The following PLCE1 variants were observed in gnomAD, a reference collection of about 807,000 sequenced individuals.
PLCE1 encodes phospholipase C epsilon 1, also known as 1-phosphatidylinositol 4,5-bisphosphate phosphodiesterase epsilon-1.
In PLCE1, 119 loss-of-function variants were observed where a neutral mutation model predicts 242.8. The observed-to-expected ratio is 0.49, with a 90% CI of 0.42 to 0.57. The LOEUF is 0.57. Among genes scored for constraint, PLCE1 ranks in the 20% least tolerant of loss-of-function variants. PLCE1 has a pLI of 0.00. For synonymous variants in PLCE1, 945 were observed against 1,017.4 expected (o/e 0.93, Z 1.35); for missense variants, 2,441 against 2,788.8 (o/e 0.88, Z 2.81).
intron 4 of PLCE1, among the ~76,000 whole-genome samples, chr10:94,177,144 T>C (rs1402921789): frequency 1.3e-5 from 2 of 152,234 alleles, no homozygotes; most frequent in African/African-American, 4.8e-5. Flanking sequence ...AAATTCCTAA[T>C]ACTTTTTGGG....
intron 4 of PLCE1, among the ~76,000 whole-genome samples, chr10:94,218,541 C>T (rs2049606527): frequency 6.6e-6 from 1 of 152,102 alleles, no homozygotes; most frequent in African/African-American, 2.4e-5. Flanking sequence ...ATTATAATGA[C>T]ATAAACCAAT....
At chr10:94,084,887 G>C (rs1270878564) in intron 2 of PLCE1, among the ~76,000 whole-genome samples, 1 of 152,148 alleles carries the variant, frequency 6.6e-6, no homozygotes, top group Non-Finnish European at 1.5e-5. Context: ...GTATGTTGCT[G>C]TTTAATTTTA....
intron 1 of PLCE1, among the ~76,000 whole-genome samples, chr10:94,004,401 C>CT (rs1359527845): frequency 6.6e-6 from 1 of 151,826 alleles, no homozygotes; most frequent in Non-Finnish European, 1.5e-5. Flanking sequence ...TAGGTGAAAG[C>CT]TTAAGGGGGG....
chr10:94,237,867 T>A (rs1171620007), intron 7 of PLCE1, among the ~76,000 whole-genome samples: 1 of 152,220 alleles, frequency 6.6e-6, no homozygotes, highest in Non-Finnish European at 1.5e-5. Flanking sequence ...GATGTGCAGA[T>A]TGAAAAGCCC....
At chr10:94,043,740 A>AC (rs1208445352) in intron 2 of PLCE1, among the ~76,000 whole-genome samples, 2 of 152,192 alleles carry the variant, frequency 1.3e-5, no homozygotes, top group Non-Finnish European at 2.9e-5. Flanking sequence ...ATGGCTTCAG[A>AC]CCCTGGTTGA....
chr10:94,070,814 A>G (rs968145828), intron 2 of PLCE1, among the ~76,000 whole-genome samples: 9 of 152,160 alleles, frequency 5.9e-5, no homozygotes, highest in African/African-American at 1.7e-4. Flanking sequence ...CCCAGCTTCT[A>G]TCTTTTCCCT....
intron 5 of PLCE1, among the ~76,000 whole-genome samples, chr10:94,231,650 A>G (rs1484230853): frequency 6.6e-6 from 1 of 150,460 alleles, no homozygotes; most frequent in Non-Finnish European, 1.5e-5. Context: ...AGCATCAGAG[A>G]CCAGTTTCAT....
chr10:94,198,071 A>G (rs1351118158), intron 4 of PLCE1, among the ~76,000 whole-genome samples: 26 of 124,030 alleles, frequency 2.1e-4, no homozygotes, highest in Non-Finnish European at 3.7e-4. Context: ...ACCACCCCCC[A>G]CCAAAAAAAA....
chr10:94,051,926 C>G (rs1191711313), intron 2 of PLCE1, among the ~76,000 whole-genome samples: 1 of 152,194 alleles, frequency 6.6e-6, no homozygotes, highest in Non-Finnish European at 1.5e-5. Flanking sequence ...TTTAAAGTGA[C>G]CTCTTCTCCA....
At chr10:94,039,546 C>T (rs1389992272) in intron 2 of PLCE1, among the ~76,000 whole-genome samples, 1 of 151,970 alleles carries the variant, frequency 6.6e-6, no homozygotes, top group East Asian at 1.9e-4. Flanking sequence ...CCACTATGCC[C>T]AGCTAATTTT....
In PLCE1 at chr10:94,173,760, C is replaced by A. The variant is rs115490598; in HGVS notation, c.1809+2264C>A. On this transcript the variant is annotated intron_variant, in intron 4 of 32. Coordinates refer to ENST00000371380, the MANE Select transcript of PLCE1 (RefSeq NM_016341.4). ...ATAGTTTAGCTAAGCAACTTCAGAA[C>A]GTAAACAAGATTTCTGGGAAAACAC... 2.5e-3 allele frequency among the ~76,000 whole-genome samples: 387 copies of A among 152,212 alleles called. 1 individual carries two copies. Among genetic ancestry groups the A allele is most frequent in the African/African-American group, 8.2e-3 (342 of 41,540 alleles).
intron 2 of PLCE1, among the ~76,000 whole-genome samples, chr10:94,039,491 C>T (rs1266532969): frequency 2.0e-5 from 3 of 152,090 alleles, no homozygotes; most frequent in Middle Eastern, 3.4e-3. Context: ...AAGCAATTCT[C>T]ATGCCTCAAC....
intron 1 of PLCE1, among the ~76,000 whole-genome samples, chr10:94,002,962 C>T (rs1301698826): frequency 1.3e-5 from 2 of 152,166 alleles, no homozygotes; most frequent in African/African-American, 4.8e-5. Flanking sequence ...TTGCAGATGA[C>T]CACTCGAGGA....
At chr10:94,119,328 GTCCTCAGGCATATGAGATATAACCC>G in intron 2 of PLCE1, among the ~76,000 whole-genome samples, 1 of 152,212 alleles carries the variant, frequency 6.6e-6, no homozygotes, top group Middle Eastern at 3.4e-3. Flanking sequence ...GGCAATGGAT[GTCCTCAGGCATATGAGATATAACCC>G]TCCAGCTGTA....
In PLCE1 at chr10:94,045,177, T is replaced by A. The variant is rs12359171; in HGVS notation, c.1206+12925T>A. Among the ~76,000 whole-genome samples, 76 of 152,046 alleles carry A rather than the reference T, an allele frequency of 5.0e-4. 1 individual carries two copies. Among genetic ancestry groups the A allele is most frequent in the East Asian group, 9.7e-4 (5 of 5,166 alleles). On this transcript the variant is annotated intron_variant, in intron 2 of 32. Coordinates refer to ENST00000371380, the MANE Select transcript of PLCE1 (RefSeq NM_016341.4). ...CACCATGCCCGGATAATTAAAAAAATTTTTTTTGTAGAGACTGGGTCTTGT... is the reference window on the plus strand; with the variant it reads ...CACCATGCCCGGATAATTAAAAAAAATTTTTTTGTAGAGACTGGGTCTTGT...
At chr10:94,069,742 G>A (rs2044299314) in intron 2 of PLCE1, among the ~76,000 whole-genome samples, 1 of 152,222 alleles carries the variant, frequency 6.6e-6, no homozygotes, top group South Asian at 2.1e-4. Context: ...GGAAGCAGAG[G>A]ACAGACATTT....
intron 2 of PLCE1, among the ~76,000 whole-genome samples, chr10:94,084,206 T>C (rs890768835): frequency 3.3e-5 from 5 of 152,174 alleles, no homozygotes; most frequent in African/African-American, 1.2e-4. Context: ...AGCTCTCCAG[T>C]CTGGACTTTG....
At chr10:94,095,520 CTAATTTTTG>C (rs1361905612) in intron 2 of PLCE1, among the ~76,000 whole-genome samples, 2 of 151,986 alleles carry the variant, frequency 1.3e-5, no homozygotes, top group African/African-American at 2.4e-5. Context: ...CTGCACCTGG[CTAATTTTTG>C]TAATTTTTGT....
rs527434032 is a variant in PLCE1 at position 94,147,472 on chromosome 10, G to T, written c.1492+15013G>T. 3.9e-4 allele frequency among the ~76,000 whole-genome samples: 28 copies of T among 72,064 alleles called. No individual in the cohort carries two copies. The South Asian group carries it at 9.4e-3, about 24-fold the overall frequency. The allele number at this position is 72,064 out of a possible 152,430, so 47.3% of individuals were successfully genotyped here. On this transcript the variant is annotated intron_variant, in intron 3 of 32. Transcript: ENST00000371380. ...AGAGAGAGAGAAAGAGAGAAAGAGA[G>T]AGGAGAGAAAGGAAGAAAGAAAGAA... is the stretch of plus-strand genomic sequence containing the variant.
Sources: allele counts gnomAD v4.1 joint callset (sites outside exome capture counted in the v4.1 genomes callset), GRCh38; gene constraint gnomAD v4.1.1; transcripts MANE v1.5; gene names NCBI Gene and HGNC (gene_info 2026-07-23, HGNC 2026-07-21).